HDAC9: variants seen among roughly 807,000 people sequenced by gnomAD.
HDAC9 encodes MEF-2 interacting transcription repressor (MITR) protein.
In HDAC9, 41 loss-of-function variants were observed where a neutral mutation model predicts 139.4. The observed-to-expected ratio is 0.29, with a 90% CI of 0.23 to 0.38. The LOEUF (loss-of-function observed/expected upper bound fraction) is 0.38. HDAC9 is among the 10% of genes least tolerant of loss of function. The pLI, the probability that HDAC9 is intolerant of heterozygous loss-of-function variation, is 1.00. For missense variants in HDAC9, 1,147 were observed against 1,297.0 expected (o/e 0.88, Z 1.78); for synonymous variants, 517 against 476.2 (o/e 1.09, Z -1.12).
chr7:18,917,800 G>A (rs549640923), intron 22 of HDAC9, among the ~76,000 whole-genome samples: 7 of 152,140 alleles, frequency 4.6e-5, no homozygotes, highest in African/African-American at 9.6e-5. Context: ...ACTGATGACC[G>A]TGAGAGAGAT....
chr7:18,441,293 CAT>C (rs1791733118), intron 1 of HDAC9, among the ~76,000 whole-genome samples: 1 of 152,190 alleles, frequency 6.6e-6, no homozygotes, highest in Admixed American at 6.5e-5. Flanking sequence ...ACCCACATCA[CAT>C]GTCAGCTTTT....
intron 2 of HDAC9, among the ~76,000 whole-genome samples, chr7:18,248,356 G>A (rs778644479): frequency 6.6e-6 from 1 of 152,118 alleles, no homozygotes; most frequent in South Asian, 2.1e-4. Flanking sequence ...TACTAGTATT[G>A]CACATAAATA....
intron 1 of HDAC9, among the ~76,000 whole-genome samples, chr7:18,356,782 G>A (rs968348786): frequency 2.0e-5 from 3 of 152,036 alleles, no homozygotes; most frequent in Non-Finnish European, 2.9e-5. Context: ...GGAAGAATCC[G>A]GCTATGCCAA....
In HDAC9 at chr7:18,721,335, T is replaced by C. The variant is rs550079260; in HGVS notation, c.1732-6245T>C. 1.3e-3 allele frequency among the ~76,000 whole-genome samples: 201 copies of C among 152,296 alleles called. 1 individual carries two copies. The highest frequency in any genetic ancestry group is 4.5e-3 in the African/African-American group (187 of 41,566). On this transcript the variant is annotated intron_variant, in intron 12 of 25. Coordinates refer to ENST00000686413, the MANE Select transcript of HDAC9 (RefSeq NM_178425.4). ...TTTCATGTATGTCTTTACTTTTTATTAATTTCATTAACATACTTAATATGT... is the reference window on the plus strand; with the variant it reads ...TTTCATGTATGTCTTTACTTTTTATCAATTTCATTAACATACTTAATATGT...
intron 2 of HDAC9, among the ~76,000 whole-genome samples, chr7:18,555,762 C>T (rs1227344011): frequency 2.0e-5 from 3 of 151,918 alleles, no homozygotes; most frequent in African/African-American, 7.2e-5. Context: ...AACAAGGAAT[C>T]GAAAATAATT....
At chr7:18,115,165 C>T (rs576502591) in intron 1 of HDAC9, among the ~76,000 whole-genome samples, 11 of 151,952 alleles carry the variant, frequency 7.2e-5, no homozygotes, top group African/African-American at 2.2e-4. Flanking sequence ...TGGTGGCGGG[C>T]GCCTGTAGTC....
chr7:18,475,568 A>G (rs990305913), intron 1 of HDAC9, among the ~76,000 whole-genome samples: 5 of 152,144 alleles, frequency 3.3e-5, no homozygotes, highest in African/African-American at 9.7e-5. Context: ...CAACATGGAG[A>G]TGCATTTTTT....
chr7:18,755,933 C>T (rs1788837403), intron 14 of HDAC9, among the ~76,000 whole-genome samples: 1 of 152,016 alleles, frequency 6.6e-6, no homozygotes, highest in Admixed American at 6.6e-5. Context: ...ATATTTTAAC[C>T]ATTCCGTAGT....
At chr7:18,745,266 G>A (rs1787832050) in intron 13 of HDAC9, among the ~76,000 whole-genome samples, 1 of 152,202 alleles carries the variant, frequency 6.6e-6, no homozygotes, top group African/African-American at 2.4e-5. Context: ...GGATGAGTCA[G>A]TGGAAGTTTG....
At chr7:18,953,451 C>A (rs989541332) in intron 23 of HDAC9, among the ~76,000 whole-genome samples, 2 of 152,008 alleles carry the variant, frequency 1.3e-5, no homozygotes, top group Non-Finnish European at 2.9e-5. Flanking sequence ...TCATTTCTTG[C>A]AAAGCAATGC....
chr7:18,629,285 A>C (rs546346802), intron 6 of HDAC9, 65 bp from the exon 7 acceptor site: 21 of 1,393,332 alleles, frequency 1.5e-5, no homozygotes, highest in Non-Finnish European at 1.9e-5. Flanking sequence ...TTTTTAACAC[A>C]TGAGCAATTG....
In HDAC9 at chr7:18,508,523, A is replaced by G. The variant is rs1300257777; in HGVS notation, c.22+12199A>G. 3.3e-5 allele frequency among the ~76,000 whole-genome samples: 5 copies of G among 152,062 alleles called. No individual in the cohort carries two copies. The South Asian group carries it at 1.0e-3, about 32-fold the overall frequency. The stretch of plus-strand genomic sequence containing the variant: ...CGTGAACCAAGTGCCTCTCTCTTGT[A>G]TTCATATTATTAACTTGAAGTGAAG... On this transcript the variant is annotated intron_variant, in intron 2 of 25. Coordinates refer to ENST00000686413, the MANE Select transcript of HDAC9 (RefSeq NM_178425.4).
chr7:18,856,936 T>C (rs1797725420), intron 21 of HDAC9, among the ~76,000 whole-genome samples: 1 of 152,200 alleles, frequency 6.6e-6, no homozygotes, highest in South Asian at 2.1e-4. Flanking sequence ...TGTGAAACCA[T>C]AAAGTGCCTT....
At chr7:18,302,068 C>G (rs541037468) in intron 1 of HDAC9, among the ~76,000 whole-genome samples, 1 of 152,280 alleles carries the variant, frequency 6.6e-6, no homozygotes, top group South Asian at 2.1e-4. Flanking sequence ...AGAACAGCAG[C>G]CTTACCATCA....
At chr7:18,938,381 G>T (rs1781798394) in intron 23 of HDAC9, among the ~76,000 whole-genome samples, 1 of 152,090 alleles carries the variant, frequency 6.6e-6, no homozygotes, top group South Asian at 2.1e-4. Flanking sequence ...GGATCACGAG[G>T]TCATGAGATC....
intron 14 of HDAC9, among the ~76,000 whole-genome samples, chr7:18,759,504 T>C (rs1188624586): frequency 1.3e-5 from 2 of 151,962 alleles, no homozygotes; most frequent in East Asian, 3.9e-4. Flanking sequence ...GAGGGGACCA[T>C]CTAGTTGCAG....
intron 2 of HDAC9, among the ~76,000 whole-genome samples, chr7:18,254,602 T>C (rs964382005): frequency 1.3e-5 from 2 of 152,186 alleles, no homozygotes; most frequent in African/African-American, 4.8e-5. Context: ...TTATCTGAGG[T>C]AACCTTTGCT....
intron 1 of HDAC9, among the ~76,000 whole-genome samples, chr7:18,441,150 A>G (rs1261267691): frequency 6.6e-6 from 1 of 152,206 alleles, no homozygotes; most frequent in African/African-American, 2.4e-5. Context: ...GTTCTTTCTT[A>G]GGTCTAACAT....
chr7:18,242,341 T>G (rs1794242591), intron 2 of HDAC9, among the ~76,000 whole-genome samples: 1 of 152,176 alleles, frequency 6.6e-6, no homozygotes, highest in Admixed American at 6.5e-5. Flanking sequence ...TGAGTAGAAT[T>G]TTGTAAGGTT....
Sources: allele counts gnomAD v4.1 joint callset (sites outside exome capture counted in the v4.1 genomes callset), GRCh38; gene constraint gnomAD v4.1.1; transcripts MANE v1.5; gene names NCBI Gene and HGNC (gene_info 2026-07-23, HGNC 2026-07-21).